The following MEIS1 variants were observed in gnomAD, a reference collection of about 807,000 sequenced individuals.
MEIS1 encodes the protein homeobox protein Meis1.
Under a neutral mutation model 50.8 loss-of-function variants are expected in MEIS1, and 5 were observed. The ratio of observed to expected loss-of-function variants is 0.10; its 90% CI spans 0.05 to 0.21. The LOEUF (loss-of-function observed/expected upper bound fraction) is 0.21, where lower values mean the gene tolerates loss of function less well. MEIS1 is among the 10% of genes least tolerant of loss of function. The probability of loss-of-function intolerance (pLI) is 1.00; values close to 1 mark genes in which losing one functional copy is unlikely to be tolerated. For missense variants in MEIS1, 318 were observed against 517.3 expected (o/e 0.61, Z 3.74); for synonymous variants, 176 against 179.3 (o/e 0.98, Z 0.15).
intron 7 of MEIS1, among the ~76,000 whole-genome samples, chr2:66,490,356 G>A (rs1247653909): frequency 3.9e-5 from 6 of 152,196 alleles, no homozygotes; most frequent in Non-Finnish European, 8.8e-5. Context: ...TGACCTTTGC[G>A]TGACCTAGGT....
intron 7 of MEIS1, among the ~76,000 whole-genome samples, chr2:66,472,983 A>G (rs185664388): frequency 4.6e-5 from 7 of 152,298 alleles, no homozygotes; most frequent in African/African-American, 1.7e-4. Context: ...TTATCAGAGT[A>G]ATATATTTAT....
chr2:66,491,868 C>T (rs979757371), intron 7 of MEIS1, among the ~76,000 whole-genome samples: 4 of 152,000 alleles, frequency 2.6e-5, no homozygotes, highest in African/African-American at 7.2e-5. Flanking sequence ...ATAAGGACAG[C>T]TGCACCCAGA....
Position 66,464,150 on chromosome 2 carries a change from T to A in MEIS1, c.672T>A (p.Arg224=), listed in dbSNP as rs1434958434. The change falls in exon 7 of 13, where the codon CGT becomes CGA. Residue 224 remains arginine, a synonymous_variant. Transcript: ENST00000272369. ...ATCATGATGACACGGCATCTACTCG[T>A]TCAGGAGGAACCCCAGGCCCTTCCA... The part of the protein sequence containing the change: ...NRDHDDTAST[R]SGGTPGPSSG... The A allele has an allele frequency of 6.2e-7, 1 of 1,606,186 alleles. No individual in the cohort carries two copies. The highest frequency in any genetic ancestry group is 1.1e-5 in the South Asian group (1 of 88,820).
At chr2:66,538,441 G>A (rs1301396685) in intron 8 of MEIS1, among the ~76,000 whole-genome samples, 2 of 152,162 alleles carry the variant, frequency 1.3e-5, no homozygotes, top group East Asian at 3.9e-4. Context: ...AGCAAAATCT[G>A]GACTAGGCAC....
At chr2:66,448,344 T>C (rs1013294891) in intron 6 of MEIS1, among the ~76,000 whole-genome samples, 1 of 152,082 alleles carries the variant, frequency 6.6e-6, no homozygotes, top group African/African-American at 2.4e-5. Flanking sequence ...AAAGAAAATA[T>C]CCAGTAAAAT....
chr2:66,458,646 A>T (rs1055907492), intron 6 of MEIS1, among the ~76,000 whole-genome samples: 5 of 152,212 alleles, frequency 3.3e-5, no homozygotes, highest in African/African-American at 1.2e-4. Flanking sequence ...TCAAGAGGTT[A>T]TGACTTACTT....
Position 66,440,838 on chromosome 2 carries a change from C to CT in MEIS1, c.432+230dup, listed in dbSNP as rs1407540540. The stretch of plus-strand genomic sequence containing the variant: ...GCGAGCCAGCGCGGGGAAACGCGAG[C>CT]TTTTGTTTTTTATGACAGCCGGGCT... On this transcript the variant is annotated intron_variant, in intron 4 of 12. Coordinates refer to ENST00000272369, the MANE Select transcript of MEIS1 (RefSeq NM_002398.3). 3 of 570,596 alleles carry CT rather than the reference C, an allele frequency of 5.3e-6. No individual in the cohort carries two copies. In the South Asian group the frequency reaches 7.2e-5, roughly 14 times the overall value. The allele number at this position is 570,596 out of a possible 1,614,324, so 35.3% of individuals were successfully genotyped here.
At chr2:66,457,041 A>T (rs961142403) in intron 6 of MEIS1, among the ~76,000 whole-genome samples, 2 of 152,278 alleles carry the variant, frequency 1.3e-5, no homozygotes, top group Admixed American at 1.3e-4. Flanking sequence ...GCATTTCAAA[A>T]CATCTAAATG....
At chr2:66,556,221 TC>T (rs1029059431) in intron 9 of MEIS1, among the ~76,000 whole-genome samples, 2 of 152,220 alleles carry the variant, frequency 1.3e-5, no homozygotes, top group Admixed American at 6.5e-5. Flanking sequence ...ATTAACTCTT[TC>T]ATGCTCCTGA....
At chr2:66,464,342 G>T (rs1359524413) in intron 7 of MEIS1, 122 bp downstream of exon 7, 1 of 765,568 alleles carries the variant, frequency 1.3e-6, no homozygotes, top group Non-Finnish European at 2.2e-6. Context: ...TTTAACTTGA[G>T]AATCAGCTCA....
At chr2:66,530,758 C>T (rs1284325481) in intron 8 of MEIS1, among the ~76,000 whole-genome samples, 1 of 152,170 alleles carries the variant, frequency 6.6e-6, no homozygotes, top group African/African-American at 2.4e-5. Flanking sequence ...CATTGAGCCC[C>T]AGTCTGAGTC....
chr2:66,529,138 G>A (rs13003040), intron 8 of MEIS1, among the ~76,000 whole-genome samples: 91,079 of 151,830 alleles, frequency 0.6, 27,857 homozygotes, highest in East Asian at 0.81. Context: ...AGGGAAAGTG[G>A]CCCCTGCCCC....
At chr2:66,557,121 A>G (rs1052059216) in intron 9 of MEIS1, among the ~76,000 whole-genome samples, 3 of 152,148 alleles carry the variant, frequency 2.0e-5, no homozygotes, top group South Asian at 4.1e-4. Flanking sequence ...TAGAAACCCT[A>G]TGCTACAGAA....
intron 7 of MEIS1, among the ~76,000 whole-genome samples, chr2:66,481,933 C>A (rs1027017348): frequency 6.9e-6 from 1 of 145,108 alleles, no homozygotes; most frequent in African/African-American, 2.6e-5. Flanking sequence ...CGGCTTACTG[C>A]AACCTCCGCC....
chr2:66,517,765 T>G (rs115095222), intron 8 of MEIS1, among the ~76,000 whole-genome samples: 2,785 of 152,334 alleles, frequency 0.018, 39 homozygotes, highest in South Asian at 0.043. Context: ...TTTTCTGTGA[T>G]ATACATCATA....
chr2:66,483,446 A>G (rs62144048), intron 7 of MEIS1, among the ~76,000 whole-genome samples: 46,671 of 151,858 alleles, frequency 0.31, 10,307 homozygotes, highest in African/African-American at 0.63. Flanking sequence ...TCCCAAATAT[A>G]TATTTATTTT....
chr2:66,450,204 A>C (rs1206525686), intron 6 of MEIS1, among the ~76,000 whole-genome samples: 1 of 152,208 alleles, frequency 6.6e-6, no homozygotes, highest in Non-Finnish European at 1.5e-5. Flanking sequence ...TGTAATTCTC[A>C]AAAATACATT....
At chr2:66,502,306 A>G (rs1035181983) in intron 7 of MEIS1, among the ~76,000 whole-genome samples, 1 of 152,198 alleles carries the variant, frequency 6.6e-6, no homozygotes, top group Non-Finnish European at 1.5e-5. Flanking sequence ...GGCAGAATAT[A>G]ATGATCAGTT....
At chr2:66,438,690 C>T (rs1573114529) in intron 2 of MEIS1, among the ~76,000 whole-genome samples, 1 of 152,276 alleles carries the variant, frequency 6.6e-6, no homozygotes, top group East Asian at 1.9e-4. Flanking sequence ...TTCGATTAGA[C>T]CCTGGGCTAG....
Sources: allele counts gnomAD v4.1 joint callset (sites outside exome capture counted in the v4.1 genomes callset), GRCh38; gene constraint gnomAD v4.1.1; transcripts MANE v1.5; gene names NCBI Gene and HGNC (gene_info 2026-07-23, HGNC 2026-07-21).